STATH: variants seen among roughly 807,000 people sequenced by gnomAD.
STATH encodes statherin.
STATH carries 11 observed loss-of-function variants against 13.3 expected under a neutral mutation model. The observed-to-expected ratio is 0.83, with a 90% confidence interval of 0.52 to 1.37. The LOEUF (loss-of-function observed/expected upper bound fraction) is 1.37. STATH is among the 40% of genes most tolerant of loss of function. The pLI is 0.00. For missense variants in STATH, 78 were observed against 73.3 expected (o/e 1.06, Z -0.24); for synonymous variants, 25 against 23.6 (o/e 1.06, Z -0.17).
intron 4 of STATH, 52 bp from the exon 5 acceptor site, chr4:70,000,811 A>T: frequency 3.0e-6 from 4 of 1,346,042 alleles, no homozygotes; most frequent in Non-Finnish European, 3.2e-6. Context: ...AAACGCTTGC[A>T]CTGTCATTAT....
Position 69,998,224 on chromosome 4 carries a change from T to C in STATH, c.-15-199T>C. ...TGTGTGTTACTCTAATGCCTTAGCA[T>C]TTCCATATCAATACACTCACTTTTA... On this transcript the variant is annotated intron_variant, in intron 1 of 5. Transcript: ENST00000246895. 5.6e-6 allele frequency: 3 copies of C among 534,162 alleles called. No individual in the cohort carries two copies. The South Asian group carries it at 7.6e-5, about 13-fold the overall frequency. 33.1% of individuals were successfully genotyped at this position (534,162 alleles called of 1,614,324 possible). A position where few individuals can be genotyped will look rare whatever the true frequency, so the allele number is the denominator to read the frequency against.
At chr4:69,996,759 A>C (rs1406949184) in intron 1 of STATH, among the ~76,000 whole-genome samples, 4 of 151,910 alleles carry the variant, frequency 2.6e-5, no homozygotes, top group African/African-American at 9.7e-5. Context: ...CTCTTCTATG[A>C]GCATTTTTTG....
At position 69,999,776 on chromosome 4, in the gene STATH, A is replaced by T; in HGVS notation, c.73-4A>T. 6.2e-7 allele frequency: 1 copy of T among 1,612,064 alleles called. No individual in the cohort carries two copies. Among genetic ancestry groups the T allele is most frequent in the Non-Finnish European group, 8.5e-7 (1 of 1,178,912 alleles). On this transcript the variant is annotated splice_polypyrimidine_tract_variant and splice_region_variant and intron_variant, in intron 3 of 5. Transcript: ENST00000246895. ...ATTATTAAACTTTTCTTCATTTTTC[A>T]CAGAAATTTTTGCGTAGAATTGGAA...
intron 5 of STATH, among the ~76,000 whole-genome samples, chr4:70,001,620 A>G (rs1356199276): frequency 6.6e-6 from 1 of 151,834 alleles, no homozygotes; most frequent in Non-Finnish European, 1.5e-5. Flanking sequence ...AGTCAGTTTT[A>G]CCTATCTCTA....
rs1724646696 is a variant in STATH at position 70,000,925 on chromosome 4, A to G, written c.165A>G (p.Pro55=). The G allele has an allele frequency of 6.2e-7, 1 of 1,612,004 alleles. No individual in the cohort carries two copies. Residue 55 remains proline (P), a synonymous_variant, in exon 5 of 6, where the codon CCA becomes CCG. Transcript: ENST00000246895. ...EQPLYPQPYQ[P]QYQQYTF ...CACTATACCCACAACCATACCAACC[A>G]CAATACCAACAATATACCTTTTAAT... is the stretch of plus-strand genomic sequence containing the variant.
chr4:70,000,897 A>G lies in STATH; in HGVS notation c.137A>G (p.Gln46Arg), dbSNP rs1359397775. 1 of 1,611,880 alleles carries G rather than the reference A, an allele frequency of 6.2e-7. No homozygotes were observed. The highest frequency in any genetic ancestry group is 8.5e-7 in the Non-Finnish European group (1 of 1,178,662). The part of the protein sequence containing the change: ...GYGPYQPVPE[Q>R]PLYPQPYQPQ... ...GGCCCTTATCAGCCAGTTCCAGAAC[A>G]ACCACTATACCCACAACCATACCAA... The change falls in exon 5 of 6, where the codon CAA becomes CGA. Residue 46 changes from glutamine (Q) to arginine (R), a missense_variant. By Grantham distance (43) the Gln-to-Arg change is conservative. Transcript: ENST00000246895.
At chr4:70,001,278 C>A (rs374373942) in intron 5 of STATH, among the ~76,000 whole-genome samples, 1 of 151,682 alleles carries the variant, frequency 6.6e-6, no homozygotes, top group African/African-American at 2.4e-5. Flanking sequence ...TCAGTTTTCT[C>A]GTCAAAAAAT....
chr4:70,000,701 T>G, intron 4 of STATH, 162 bp from the exon 5 acceptor site: 1 of 591,418 alleles, frequency 1.7e-6, no homozygotes, highest in Non-Finnish European at 3.0e-6. Context: ...TTTTAAAATG[T>G]GTTTATAACC....
chr4:69,999,378 CAA>C (rs1724587069), intron 2 of STATH, among the ~76,000 whole-genome samples: 1 of 151,906 alleles, frequency 6.6e-6, no homozygotes. Flanking sequence ...TGAAAAAATA[CAA>C]AGTTTCACTT....
At chr4:70,000,669 ACACT>A in intron 4 of STATH, 190 bp from the exon 5 acceptor site, 4 of 564,524 alleles carry the variant, frequency 7.1e-6, no homozygotes, top group South Asian at 4.6e-5. Context: ...ACAAAGGTAA[ACACT>A]CAATCATTTT....
chr4:70,000,932 C>T lies in STATH; in HGVS notation c.172C>T (p.Gln58Ter). 7 of 1,611,682 alleles carry T rather than the reference C, an allele frequency of 4.3e-6. No homozygotes were observed. The highest frequency in any genetic ancestry group is 5.9e-6 in the Non-Finnish European group (7 of 1,178,212). The change falls in exon 5 of 6, where the codon CAA (glutamine) becomes TAA (stop). Residue 58 changes from glutamine to a stop codon, truncating the protein, a stop_gained. Coordinates refer to ENST00000246895, the MANE Select transcript of STATH (RefSeq NM_003154.3). LOFTEE classifies it high-confidence loss of function. ...CCCACAACCATACCAACCACAATAC[C>T]AACAATATACCTTTTAATATCATCA... ...LYPQPYQPQYQQYTF is the reference protein window; with the variant it reads ...LYPQPYQPQY
chr4:69,998,299 G>T (rs1319468181), intron 1 of STATH, 124 bp from the exon 2 acceptor site: 5 of 646,524 alleles, frequency 7.7e-6, no homozygotes, highest in African/African-American at 1.8e-5. Context: ...TCAGGCAATG[G>T]GTTTTAATTG....
At chr4:70,000,114 A>G in intron 4 of STATH, 2 of 341,320 alleles carry the variant, frequency 5.9e-6, no homozygotes, top group East Asian at 5.4e-5. Context: ...TAATTATAAT[A>G]TATGCCTCAT....
At chr4:69,998,823 A>G in intron 2 of STATH, 1 of 177,672 alleles carries the variant, frequency 5.6e-6, no homozygotes. Flanking sequence ...AAATCTCAGG[A>G]ATGAACTAGG....
chr4:70,000,680 T>G, intron 4 of STATH, 183 bp from the exon 5 acceptor site: 1 of 573,606 alleles, frequency 1.7e-6, no homozygotes, highest in East Asian at 2.8e-5. Context: ...CACTCAATCA[T>G]TTTTACCTGC....
chr4:69,999,073 T>TTTC (rs1724579187), intron 2 of STATH: 1 of 152,616 alleles, frequency 6.6e-6, no homozygotes, highest in African/African-American at 2.4e-5. Context: ...TCTGGAGCTC[T>TTTC]TTCTTCTACT....
At chr4:70,000,833 G>T in intron 4 of STATH, 30 bp from the exon 5 acceptor site, 1 of 1,562,144 alleles carries the variant, frequency 6.4e-7, no homozygotes, top group Non-Finnish European at 8.8e-7. Context: ...TCAATTTTCT[G>T]CAATTTTCTT....
chr4:70,002,282 TGC>T lies in STATH; in HGVS notation c.*128_*129del, dbSNP rs1724690081. ...TTTTTGAAGAATCATCAAAGAGCAA[TGC>T]AAATGAAAAACACTATAATTTACTG... On this transcript the variant is annotated 3_prime_UTR_variant, in exon 6 of 6. Transcript: ENST00000246895. 2.0e-5 allele frequency: 3 copies of T among 151,780 alleles called. No individual in the cohort carries two copies. In the South Asian group the frequency reaches 6.2e-4, roughly 31 times the overall value. The allele number at this position is 151,780 out of a possible 1,614,324, so 9.4% of individuals were successfully genotyped here.
At chr4:69,996,396 T>C (rs1724504279) in intron 1 of STATH, among the ~76,000 whole-genome samples, 1 of 152,226 alleles carries the variant, frequency 6.6e-6, no homozygotes, top group Non-Finnish European at 1.5e-5. Context: ...ACGTTCTCTT[T>C]TTTGCAAATG....
Sources: gnomAD v4.1 joint callset for allele counts (sites outside exome capture counted in the v4.1 genomes callset) on GRCh38, gnomAD v4.1.1 for gene constraint, MANE v1.5 for transcripts, NCBI Gene and HGNC (gene_info 2026-07-23, HGNC 2026-07-21) for gene names.